Variants in ZNF609 observed in about 807,000 individuals in gnomAD.
The protein encoded by ZNF609 is zinc finger protein 609.
Under a neutral mutation model 109.5 loss-of-function variants are expected in ZNF609, and 11 were observed. The observed-to-expected ratio is 0.10, with a 90% CI of 0.06 to 0.17. The LOEUF is 0.17. Among genes scored for constraint, ZNF609 ranks in the 10% least tolerant of loss-of-function variants. The pLI is 1.00. For synonymous variants in ZNF609, 646 were observed against 662.0 expected (o/e 0.98, Z 0.37); for missense variants, 1,559 against 1,772.4 (o/e 0.88, Z 2.16).
chr15:64,575,954 TAGTC>T (rs1332331840), intron 2 of ZNF609, among the ~76,000 whole-genome samples: 2 of 151,844 alleles, frequency 1.3e-5, no homozygotes, highest in Non-Finnish European at 2.9e-5. Context: ...TACAAAAAAT[TAGTC>T]AGGCGCGGTG....
intron 2 of ZNF609, among the ~76,000 whole-genome samples, chr15:64,612,796 C>G (rs908400661): frequency 1.4e-4 from 21 of 152,028 alleles, no homozygotes; most frequent in African/African-American, 5.1e-4. Flanking sequence ...CAGCGGTTCA[C>G]TTGAGGTCAG....
chr15:64,598,137 G>A (rs960480377), intron 2 of ZNF609, among the ~76,000 whole-genome samples: 2 of 152,084 alleles, frequency 1.3e-5, no homozygotes, highest in Non-Finnish European at 2.9e-5. Flanking sequence ...TTTGTTTTGA[G>A]ATAGTCTCGC....
chr15:64,467,360 C>T (rs934490052), intron 1 of ZNF609, among the ~76,000 whole-genome samples: 2 of 152,198 alleles, frequency 1.3e-5, no homozygotes, highest in Admixed American at 1.3e-4. Flanking sequence ...TCTACCCCTT[C>T]TTCAGTCCTT....
chr15:64,532,461 T>A (rs1398031962), intron 2 of ZNF609, among the ~76,000 whole-genome samples: 1 of 152,252 alleles, frequency 6.6e-6, no homozygotes, highest in African/African-American at 2.4e-5. Flanking sequence ...ATTAAACATA[T>A]GAATGAAATG....
intron 2 of ZNF609, among the ~76,000 whole-genome samples, chr15:64,616,812 C>CTTTTTTTTTT (rs56338576): frequency 6.1e-5 from 2 of 32,852 alleles, no homozygotes; most frequent in African/African-American, 2.9e-4. Flanking sequence ...AGCCACCATG[C>CTTTTTTTTTT]TTTTTTTTTT....
At chr15:64,613,057 C>T (rs1895743033) in intron 2 of ZNF609, among the ~76,000 whole-genome samples, 1 of 152,012 alleles carries the variant, frequency 6.6e-6, no homozygotes, top group African/African-American at 2.4e-5. Context: ...CATGGTGGGT[C>T]ACACCTGTAA....
At chr15:64,588,121 G>A (rs1203643434) in intron 2 of ZNF609, among the ~76,000 whole-genome samples, 1 of 151,510 alleles carries the variant, frequency 6.6e-6, no homozygotes, top group Non-Finnish European at 1.5e-5. Flanking sequence ...CTGGGCAGTG[G>A]AGTGAGACCT....
At chr15:64,639,182 A>G (rs527786517) in intron 3 of ZNF609, among the ~76,000 whole-genome samples, 80 of 152,308 alleles carry the variant, frequency 5.3e-4, no homozygotes, top group African/African-American at 1.9e-3. Flanking sequence ...TGCCATCACC[A>G]CTGTTCTCCA....
At position 64,488,919 on chromosome 15, in the gene ZNF609, AAAGAAAGAAAG is replaced by A. The variant is rs1893370218; in HGVS notation, c.-127-10371_-127-10361del. On this transcript the variant is annotated intron_variant, in intron 1 of 9. Coordinates refer to ENST00000326648, the MANE Select transcript of ZNF609 (RefSeq NM_015042.2). ...GAGACTTTGTTTCTACAAAAAAAAGAAAGAAAGAAAGAAAGAAAGAAAGAAACAATTAGCCG... is the reference window on the plus strand; with the variant it reads ...GAGACTTTGTTTCTACAAAAAAAAGAAAAGAAAGAAAGAAACAATTAGCCG... Among the ~76,000 whole-genome samples the A allele has an allele frequency of 4.5e-5, 6 of 131,968 alleles. No homozygotes were observed. The East Asian group carries it at 6.0e-4, about 13-fold the overall frequency. 86.6% of individuals were successfully genotyped at this position (131,968 alleles called of 152,430 possible).
intron 2 of ZNF609, among the ~76,000 whole-genome samples, chr15:64,608,407 G>C (rs1225586003): frequency 1.3e-5 from 2 of 152,020 alleles, no homozygotes; most frequent in African/African-American, 4.8e-5. Flanking sequence ...ATTGCAACTG[G>C]GATGGTAATA....
chr15:64,538,875 C>T (rs1022357652), intron 2 of ZNF609, among the ~76,000 whole-genome samples: 10 of 152,008 alleles, frequency 6.6e-5, no homozygotes, highest in Non-Finnish European at 1.0e-4. Context: ...TAAAATAAAA[C>T]CCAGGCTAGA....
intron 2 of ZNF609, among the ~76,000 whole-genome samples, chr15:64,572,057 A>G (rs1404413629): frequency 6.6e-6 from 1 of 152,204 alleles, no homozygotes; most frequent in Admixed American, 6.5e-5. Flanking sequence ...ATACTGAAAG[A>G]TAAAAAGCTA....
At chr15:64,600,712 AG>A (rs1048891855) in intron 2 of ZNF609, among the ~76,000 whole-genome samples, 7 of 150,362 alleles carry the variant, frequency 4.7e-5, no homozygotes, top group Non-Finnish European at 8.9e-5. Context: ...GAAGGAAGAA[AG>A]GAAGGGAAAG....
chr15:64,657,446 T>C (rs940116788), intron 3 of ZNF609, among the ~76,000 whole-genome samples: 1 of 150,580 alleles, frequency 6.6e-6, no homozygotes, highest in Non-Finnish European at 1.5e-5. Flanking sequence ...AAACCCCGTC[T>C]CTACTGAAAA....
chr15:64,666,086 A>AC (rs1043496028), intron 3 of ZNF609, among the ~76,000 whole-genome samples: 4 of 148,016 alleles, frequency 2.7e-5, no homozygotes, highest in African/African-American at 7.7e-5. Flanking sequence ...AAAAAAAAAA[A>AC]AAACACACAC....
At chr15:64,608,975 A>G (rs1439081966) in intron 2 of ZNF609, among the ~76,000 whole-genome samples, 1 of 152,002 alleles carries the variant, frequency 6.6e-6, no homozygotes, top group Non-Finnish European at 1.5e-5. Context: ...GGGCTAAAGC[A>G]TTCTACCCAC....
At chr15:64,514,031 G>T (rs768556833) in intron 2 of ZNF609, among the ~76,000 whole-genome samples, 1 of 150,980 alleles carries the variant, frequency 6.6e-6, no homozygotes, top group Non-Finnish European at 1.5e-5. Context: ...GGTCGAGGCT[G>T]CAGTGAACCA....
chr15:64,543,358 T>C (rs1429863057), intron 2 of ZNF609, among the ~76,000 whole-genome samples: 1 of 150,988 alleles, frequency 6.6e-6, no homozygotes, highest in Non-Finnish European at 1.5e-5. Context: ...GTTCATACTT[T>C]CTGTTGTTTC....
At chr15:64,680,981 ATTT>A in intron 8 of ZNF609, 119 bp downstream of exon 8, 1 of 932,460 alleles carries the variant, frequency 1.1e-6, no homozygotes, top group Non-Finnish European at 1.5e-6. Flanking sequence ...TCCTTTTTTA[ATTT>A]TTTTTTTTTG....
Sources: allele counts gnomAD v4.1 joint callset (sites outside exome capture counted in the v4.1 genomes callset), GRCh38; gene constraint gnomAD v4.1.1; transcripts MANE v1.5; gene names NCBI Gene and HGNC (gene_info 2026-07-23, HGNC 2026-07-21).